DISC1: variants seen among roughly 807,000 people sequenced by gnomAD.
The protein encoded by DISC1 is DISC1 scaffold protein.
DISC1 carries 57 observed loss-of-function variants against 84.5 expected under a neutral mutation model. That is an observed-to-expected ratio of 0.67 (90% CI 0.55 to 0.84). The LOEUF is 0.84. Among genes scored for constraint, DISC1 ranks in the 40% least tolerant of loss-of-function variants. The pLI, the probability that DISC1 is intolerant of heterozygous loss-of-function variation, is 0.00. For missense variants in DISC1, 1,000 were observed against 1,057.8 expected (o/e 0.95, Z 0.76); for synonymous variants, 411 against 415.2 (o/e 0.99, Z 0.12).
intron 4 of DISC1, among the ~76,000 whole-genome samples, chr1:231,765,775 G>A (rs1278620705): frequency 6.6e-6 from 1 of 152,154 alleles, no homozygotes; most frequent in Non-Finnish European, 1.5e-5. Flanking sequence ...GCAAGAATAA[G>A]AGAAGGAGCC....
At chr1:231,763,338 C>T (rs768666156) in intron 4 of DISC1, among the ~76,000 whole-genome samples, 15 of 152,192 alleles carry the variant, frequency 9.9e-5, no homozygotes, top group South Asian at 6.2e-4. Context: ...CAAAAGATAA[C>T]GTCTGGTGAA....
intron 1 of DISC1, among the ~76,000 whole-genome samples, chr1:231,665,624 G>T (rs12063758): frequency 0.02 from 3,097 of 152,194 alleles, 102 homozygotes; most frequent in African/African-American, 0.07. Flanking sequence ...TACCTTAATT[G>T]TAAGAATATA....
chr1:231,903,359 G>T (rs1045991575), intron 9 of DISC1, among the ~76,000 whole-genome samples: 1 of 152,160 alleles, frequency 6.6e-6, no homozygotes, highest in African/African-American at 2.4e-5. Context: ...CACGTACTAG[G>T]AGTTAGGACT....
chr1:231,738,870 C>T (rs1033780968), intron 3 of DISC1, among the ~76,000 whole-genome samples: 6 of 152,216 alleles, frequency 3.9e-5, no homozygotes, highest in African/African-American at 1.4e-4. Context: ...AGAGGAACTT[C>T]TTCAAGGTGT....
intron 9 of DISC1, among the ~76,000 whole-genome samples, chr1:231,903,662 C>G (rs1032778399): frequency 4.6e-5 from 7 of 152,144 alleles, no homozygotes; most frequent in Admixed American, 6.5e-5. Flanking sequence ...AGGGATGTTC[C>G]AGGCAGAGGG....
chr1:231,839,775 T>C (rs2082900005), intron 9 of DISC1, among the ~76,000 whole-genome samples: 1 of 152,134 alleles, frequency 6.6e-6, no homozygotes, highest in Non-Finnish European at 1.5e-5. Flanking sequence ...TCAGGAAGCT[T>C]ACAATCATGG....
intron 9 of DISC1, among the ~76,000 whole-genome samples, chr1:231,845,872 G>A (rs796992792): frequency 1.3e-5 from 2 of 152,262 alleles, no homozygotes; most frequent in South Asian, 2.1e-4. Flanking sequence ...TGAAGCCAAG[G>A]TGAAGTGAGG....
chr1:231,706,287 G>T (rs1418823429), intron 3 of DISC1, among the ~76,000 whole-genome samples: 1 of 152,186 alleles, frequency 6.6e-6, no homozygotes, highest in Non-Finnish European at 1.5e-5. Flanking sequence ...GGGCAAGTTT[G>T]AGACCTCAGA....
intron 10 of DISC1, among the ~76,000 whole-genome samples, chr1:231,977,468 C>T (rs985517964): frequency 6.6e-6 from 1 of 152,224 alleles, no homozygotes; most frequent in African/African-American, 2.4e-5. Context: ...TCACTCCAGT[C>T]TCTGCTTCTT....
intron 11 of DISC1, among the ~76,000 whole-genome samples, chr1:232,018,310 G>T (rs1668663540): frequency 6.6e-6 from 1 of 151,858 alleles, no homozygotes. Flanking sequence ...TTTAAATGTT[G>T]GTATCTTCCA....
Position 232,009,585 on chromosome 1 carries a change from T to C in DISC1, c.2307+536T>C. 2 of 921,736 alleles carry C rather than the reference T, an allele frequency of 2.2e-6. No individual in the cohort carries two copies. Among genetic ancestry groups the C allele is most frequent in the Non-Finnish European group, 2.6e-6 (2 of 772,048 alleles). The allele number at this position is 921,736 out of a possible 1,614,324, so 57.1% of individuals were successfully genotyped here. A position where few individuals can be genotyped will look rare whatever the true frequency, so the allele number is the denominator to read the frequency against. On this transcript the variant is annotated intron_variant, in intron 11 of 12. Coordinates refer to ENST00000439617, the MANE Select transcript of DISC1 (RefSeq NM_018662.3). This position sits in a 1 kb window ranked among gnomAD's most constrained non-coding sequence, Gnocchi z 4.6. ...TCATAATGAATGTTTATAATGTTCT[T>C]CTTTCATAAACACAACTAAAGTTTG...
At chr1:232,021,223 G>A (rs1431961655) in intron 11 of DISC1, among the ~76,000 whole-genome samples, 1 of 152,134 alleles carries the variant, frequency 6.6e-6, no homozygotes, top group Non-Finnish European at 1.5e-5. Flanking sequence ...TTCTCCCAAA[G>A]GTGGAAGAAA....
intron 9 of DISC1, among the ~76,000 whole-genome samples, chr1:231,917,605 G>T (rs1572046457): frequency 6.6e-6 from 1 of 152,332 alleles, no homozygotes; most frequent in South Asian, 2.1e-4. Context: ...AGGACTGACA[G>T]TTCCTTCCTG....
rs183195803 is a variant in DISC1 at position 231,740,465 on chromosome 1, G to A, written c.1118-9461G>A. 1.6e-3 allele frequency among the ~76,000 whole-genome samples: 243 copies of A among 152,286 alleles called. 1 individual carries two copies. Among genetic ancestry groups the A allele is most frequent in the African/African-American group, 5.5e-3 (227 of 41,564 alleles). ...GTCATGCCTCCCCCACATGACTCAG[G>A]AGCAGAGTGCTGGCATGGAGAAGAG... On this transcript the variant is annotated intron_variant, in intron 3 of 12. Coordinates refer to ENST00000439617, the MANE Select transcript of DISC1 (RefSeq NM_018662.3).
intron 6 of DISC1, chr1:231,774,769 G>A: frequency 2.2e-6 from 1 of 456,078 alleles, no homozygotes; most frequent in South Asian, 1.5e-5. Context: ...TGGATCTGCA[G>A]AAGTGAAGCA....
chr1:231,878,090 C>A lies in DISC1; in HGVS notation c.1981+59573C>A, dbSNP rs1295009286. Among the ~76,000 whole-genome samples the A allele has an allele frequency of 5.3e-5, 8 of 152,152 alleles. No individual in the cohort carries two copies. In the East Asian group the frequency reaches 1.3e-3, roughly 26 times the overall value. On this transcript the variant is annotated intron_variant, in intron 9 of 12. Transcript: ENST00000439617. ...ATGACACTGATACCTTAAAACAGTT[C>A]ATTCTTTTATTAATATTTATTAAGC...
Position 231,861,805 on chromosome 1 carries a change from T to C in DISC1, c.1981+43288T>C, listed in dbSNP as rs1318545567. On this transcript the variant is annotated intron_variant, in intron 9 of 12. Coordinates refer to ENST00000439617, the MANE Select transcript of DISC1 (RefSeq NM_018662.3). Reference sequence around the variant, plus strand: ...TTCAATGAATGTTTTAAGAGTCTGATTGAGATATTACCTCATAGTAGATTA... The same window carrying C: ...TTCAATGAATGTTTTAAGAGTCTGACTGAGATATTACCTCATAGTAGATTA... 3.9e-5 allele frequency among the ~76,000 whole-genome samples: 6 copies of C among 152,304 alleles called. No individual in the cohort carries two copies. In the South Asian group the frequency reaches 1.0e-3, roughly 26 times the overall value.
At chr1:231,866,679 T>C (rs2085086681) in intron 9 of DISC1, 2 of 1,426,666 alleles carry the variant, frequency 1.4e-6, no homozygotes, top group Non-Finnish European at 9.2e-7. Flanking sequence ...TGAAGAGACA[T>C]GATGTCACAA....
intron 6 of DISC1, among the ~76,000 whole-genome samples, chr1:231,779,599 C>T (rs1259885972): frequency 3.1e-5 from 4 of 130,968 alleles, no homozygotes; most frequent in Admixed American, 1.8e-4. Flanking sequence ...CTCGCTCTGT[C>T]GCCCAGGCTG....
Sources: allele counts gnomAD v4.1 joint callset (sites outside exome capture counted in the v4.1 genomes callset), GRCh38; gene constraint gnomAD v4.1.1; non-coding constraint Gnocchi (gnomAD v3.1); transcripts MANE v1.5; gene names NCBI Gene and HGNC (gene_info 2026-07-23, HGNC 2026-07-21).